Variants in CNTN5 observed in about 807,000 individuals in gnomAD.
CNTN5 encodes the protein contactin 5.
A neutral mutation model predicts 129.1 loss-of-function variants in CNTN5; 77 were observed. That is an observed-to-expected ratio of 0.60 (90% CI 0.50 to 0.72). The LOEUF (loss-of-function observed/expected upper bound fraction) is 0.72, where lower values mean the gene tolerates loss of function less well. CNTN5 is among the 30% of genes least tolerant of loss of function. The pLI, the probability that CNTN5 is intolerant of heterozygous loss-of-function variation, is 0.00. For synonymous variants in CNTN5, 509 were observed against 465.6 expected, an observed-to-expected ratio of 1.09 and a Z score of -1.20; for missense variants, 1,478 against 1,328.8, an observed-to-expected ratio of 1.11 and a Z score of -1.75.
intron 3 of CNTN5, among the ~76,000 whole-genome samples, chr11:99,568,796 G>GA (rs1325482082): frequency 6.6e-6 from 1 of 152,134 alleles, no homozygotes; most frequent in African/African-American, 2.4e-5. Context: ...AGCTCTTTGA[G>GA]AAAAATCCTA....
intron 2 of CNTN5, among the ~76,000 whole-genome samples, chr11:99,336,928 G>C (rs1866253061): frequency 6.6e-6 from 1 of 152,042 alleles, no homozygotes; most frequent in African/African-American, 2.4e-5. Flanking sequence ...AATAGTAAAA[G>C]GGAAACATGC....
rs147816240 is a variant in CNTN5, at chr11:99,673,078, C to T, written c.55+116809C>T. Reference sequence around the variant, plus strand: ...GGTTCCCTGAATATAGAATGTGACACACTTGAAATTCTTGATCCTCAGCTT... The same window carrying T: ...GGTTCCCTGAATATAGAATGTGACATACTTGAAATTCTTGATCCTCAGCTT... On this transcript the variant is annotated intron_variant, in intron 3 of 24. Coordinates refer to ENST00000524871, the MANE Select transcript of CNTN5 (RefSeq NM_014361.4). 7.9e-5 allele frequency among the ~76,000 whole-genome samples: 12 copies of T among 152,128 alleles called. No individual in the cohort carries two copies. The East Asian group carries it at 2.3e-3, about 30-fold the overall frequency.
rs117798692 is a variant in CNTN5 at position 99,778,452 on chromosome 11, A to C, written c.56-41092A>C. ...TTCTTAACTATTATATGCTTTTTAA[A>C]AATTAATGTATATTAGAATAGATGG... On this transcript the variant is annotated intron_variant, in intron 3 of 24. Coordinates refer to ENST00000524871, the MANE Select transcript of CNTN5 (RefSeq NM_014361.4). Among the ~76,000 whole-genome samples, 455 of 151,992 alleles carry C rather than the reference A, an allele frequency of 3.0e-3. 4 individuals are homozygous for C. Among genetic ancestry groups the C allele is most frequent in the Non-Finnish European group, 5.3e-3 (360 of 67,878 alleles).
At chr11:99,667,186 A>T (rs984850835) in intron 3 of CNTN5, among the ~76,000 whole-genome samples, 3 of 152,092 alleles carry the variant, frequency 2.0e-5, no homozygotes, top group Non-Finnish European at 2.9e-5. Flanking sequence ...GGTCAGTGGT[A>T]TGATAATATT....
At chr11:99,966,056 G>T (rs557040006) in intron 8 of CNTN5, among the ~76,000 whole-genome samples, 1 of 152,250 alleles carries the variant, frequency 6.6e-6, no homozygotes, top group East Asian at 1.9e-4. Flanking sequence ...TTCTGCAAAT[G>T]TGGCAAATGC....
At chr11:100,110,198 A>C (rs11222810) in intron 13 of CNTN5, among the ~76,000 whole-genome samples, 19,265 of 145,414 alleles carry the variant, frequency 0.13, 1,323 homozygotes, top group East Asian at 0.2. Flanking sequence ...AAAAAAAAAA[A>C]AAGAAAAGAA....
chr11:100,222,805 G>T (rs925271972), intron 15 of CNTN5, among the ~76,000 whole-genome samples: 2 of 151,996 alleles, frequency 1.3e-5, no homozygotes, highest in East Asian at 3.9e-4. Flanking sequence ...TGGGCCTGTA[G>T]TGTGCACAGC....
At chr11:99,814,163 A>G (rs1393606654) in intron 3 of CNTN5, among the ~76,000 whole-genome samples, 1 of 152,202 alleles carries the variant, frequency 6.6e-6, no homozygotes, top group Non-Finnish European at 1.5e-5. Flanking sequence ...AATGGAATTC[A>G]ACATACACAA....
At chr11:99,885,068 A>T (rs1378006423) in intron 6 of CNTN5, among the ~76,000 whole-genome samples, 1 of 152,140 alleles carries the variant, frequency 6.6e-6, no homozygotes, top group Non-Finnish European at 1.5e-5. Flanking sequence ...GTATCACCTT[A>T]GCCCAGGAGT....
intron 2 of CNTN5, among the ~76,000 whole-genome samples, chr11:99,395,454 T>C (rs1941472173): frequency 6.6e-6 from 1 of 152,014 alleles, no homozygotes. Context: ...TTTTGTTAGA[T>C]GTATAATTTG....
intron 9 of CNTN5, among the ~76,000 whole-genome samples, chr11:100,046,906 A>AT (rs11442291): frequency 0.093 from 14,041 of 151,784 alleles, 830 homozygotes; most frequent in East Asian, 0.19. Context: ...TTTTCCAGGA[A>AT]TTTTTTTTTA....
chr11:100,217,819 T>C (rs1162391041), intron 15 of CNTN5, among the ~76,000 whole-genome samples: 2 of 152,216 alleles, frequency 1.3e-5, no homozygotes, highest in Non-Finnish European at 2.9e-5. Context: ...AAGAGAAAGT[T>C]GATCCATCAT....
At chr11:99,834,585 T>C (rs537041686) in intron 4 of CNTN5, among the ~76,000 whole-genome samples, 56 of 152,276 alleles carry the variant, frequency 3.7e-4, no homozygotes, top group Non-Finnish European at 6.3e-4. Flanking sequence ...TTTAAAATCA[T>C]TTTTAAAAGA....
At chr11:99,308,767 T>C (rs927947773) in intron 1 of CNTN5, among the ~76,000 whole-genome samples, 6 of 152,156 alleles carry the variant, frequency 3.9e-5, no homozygotes, top group Admixed American at 2.6e-4. Context: ...TAATTTCTGT[T>C]ACACTTATGT....
chr11:100,238,097 G>A lies in CNTN5; in HGVS notation c.2005+13285G>A, dbSNP rs578161186. 2.0e-5 allele frequency among the ~76,000 whole-genome samples: 3 copies of A among 152,116 alleles called. No individual in the cohort carries two copies. In the South Asian group the frequency reaches 6.2e-4, roughly 32 times the overall value. ...GTAAAGGTGCATAAATTCAAGGTGA[G>A]CAAAAAGTAGTGGAGAAAAGGTCTG... On this transcript the variant is annotated intron_variant, in intron 16 of 24. Transcript: ENST00000524871.
chr11:99,912,796 T>C (rs1192336983), intron 6 of CNTN5, among the ~76,000 whole-genome samples: 1 of 152,040 alleles, frequency 6.6e-6, no homozygotes, highest in Non-Finnish European at 1.5e-5. Flanking sequence ...TAGGGCCCTG[T>C]GACTTTTGAT....
At chr11:99,952,675 GC>G (rs1950705781) in intron 7 of CNTN5, among the ~76,000 whole-genome samples, 1 of 152,068 alleles carries the variant, frequency 6.6e-6, no homozygotes, top group South Asian at 2.1e-4. Flanking sequence ...GGGATTACAG[GC>G]TTGGGCTGCT....
At chr11:99,989,402 C>G (rs1938902597) in intron 8 of CNTN5, among the ~76,000 whole-genome samples, 1 of 151,990 alleles carries the variant, frequency 6.6e-6, no homozygotes, top group South Asian at 2.1e-4. Context: ...ATTTGTCATT[C>G]TAAACCATAT....
intron 2 of CNTN5, among the ~76,000 whole-genome samples, chr11:99,528,777 G>A (rs989764401): frequency 1.3e-5 from 2 of 152,072 alleles, no homozygotes; most frequent in Non-Finnish European, 2.9e-5. Context: ...GGTGCCTATG[G>A]CTCAGGCCGG....
Sources: allele counts gnomAD v4.1 joint callset (sites outside exome capture counted in the v4.1 genomes callset), GRCh38; gene constraint gnomAD v4.1.1; transcripts MANE v1.5; gene names NCBI Gene and HGNC (gene_info 2026-07-23, HGNC 2026-07-21).